PCDHGA3: variants seen among roughly 807,000 people sequenced by gnomAD.
PCDHGA3 encodes the protein protocadherin gamma subfamily A, 3, also known as protocadherin gamma-A3.
A neutral mutation model predicts 58.5 loss-of-function variants in PCDHGA3; 40 were observed. The ratio of observed to expected loss-of-function variants is 0.68; its 90% confidence interval spans 0.53 to 0.89. The LOEUF is 0.89. PCDHGA3 is among the 40% of genes least tolerant of loss of function. PCDHGA3 has a pLI of 0.00. For missense variants in PCDHGA3, 1,223 were observed against 1,195.9 expected, an observed-to-expected ratio of 1.02 and a Z score of -0.33; for synonymous variants, 530 against 525.7, an observed-to-expected ratio of 1.01 and a Z score of -0.11.
At chr5:141,510,040 G>A (rs2099879305) in intron 3 of PCDHGA3, among the ~76,000 whole-genome samples, 1 of 152,220 alleles carries the variant, frequency 6.6e-6, no homozygotes, top group Non-Finnish European at 1.5e-5. Flanking sequence ...GTTATGTAGA[G>A]GTTAAAAGTG....
At chr5:141,405,775 G>A (rs2094716657) in intron 1 of PCDHGA3, among the ~76,000 whole-genome samples, 1 of 152,002 alleles carries the variant, frequency 6.6e-6, no homozygotes, top group African/African-American at 2.4e-5. Flanking sequence ...ACTGCGCCTG[G>A]CCCTTAACTT....
chr5:141,350,294 A>T, intron 1 of PCDHGA3: 2 of 1,510,364 alleles, frequency 1.3e-6, no homozygotes, highest in South Asian at 2.8e-5. Flanking sequence ...AATGATGAAA[A>T]GTCAGGTACT....
chr5:141,489,594 T>A lies in PCDHGA3; in HGVS notation c.2425-5213T>A. The A allele has an allele frequency of 2.5e-6, 4 of 1,614,076 alleles. No homozygotes were observed. Among genetic ancestry groups the A allele is most frequent in the Non-Finnish European group, 3.4e-6 (4 of 1,179,982 alleles). ...CTGAACACCCCCTGGAGCTAATCCG[T>A]GTAGAGGTAGAGATCCTGGATCTCA... On this transcript the variant is annotated intron_variant, in intron 1 of 3. Coordinates refer to ENST00000253812, the MANE Select transcript of PCDHGA3 (RefSeq NM_018916.4). This position sits in a 1 kb window ranked among gnomAD's most constrained non-coding sequence, Gnocchi z 4.5.
Position 141,489,767 on chromosome 5 carries a change from G to T in PCDHGA3, c.2425-5040G>T, listed in dbSNP as rs2099691977. On this transcript the variant is annotated intron_variant, in intron 1 of 3. Transcript: ENST00000253812. This position sits in a 1 kb window ranked among gnomAD's most constrained non-coding sequence, Gnocchi z 4.5. ...AGCTTTTACACTCTAAGCCCCAACA[G>T]CCACTTCTCTCTGAATGTGAAGACC... The T allele has an allele frequency of 6.2e-7, 1 of 1,614,028 alleles. No homozygotes were observed. Among genetic ancestry groups the T allele is most frequent in the African/African-American group, 1.3e-5 (1 of 74,938 alleles).
At chr5:141,450,887 C>T (rs531604055) in intron 1 of PCDHGA3, among the ~76,000 whole-genome samples, 18 of 148,682 alleles carry the variant, frequency 1.2e-4, no homozygotes, top group East Asian at 1.2e-3. Flanking sequence ...TGCAGTGGTG[C>T]GATATCGGCT....
chr5:141,496,251 G>A (rs746722054), intron 2 of PCDHGA3, among the ~76,000 whole-genome samples: 7 of 152,150 alleles, frequency 4.6e-5, no homozygotes, highest in African/African-American at 7.2e-5. Context: ...TGAAGGGGAG[G>A]GAAACTTCAG....
rs756915110 is a variant in PCDHGA3, at chr5:141,490,431, T to C, written c.2425-4376T>C. 6 of 1,614,036 alleles carry C rather than the reference T, an allele frequency of 3.7e-6. No individual in the cohort carries two copies. In the South Asian group the frequency reaches 6.6e-5, roughly 18 times the overall value. ...TCTCTCCGGACCTGCCATTTCAGATTAAGCCTTCTGAGAACCACTACTCGC... is the reference window on the plus strand; with the variant it reads ...TCTCTCCGGACCTGCCATTTCAGATCAAGCCTTCTGAGAACCACTACTCGC... On this transcript the variant is annotated intron_variant, in intron 1 of 3. Transcript: ENST00000253812. The surrounding 1 kb of genome is among the most constrained non-coding windows in gnomAD (Gnocchi z 5.4).
At chr5:141,419,744 G>A (rs760207269) in intron 1 of PCDHGA3, 28 of 1,613,778 alleles carry the variant, frequency 1.7e-5, no homozygotes, top group East Asian at 2.2e-5. Context: ...GGTGCGCATG[G>A]TGCGTGCTTT....
rs138881803 is a variant in PCDHGA3 at position 141,361,343 on chromosome 5, A to G, written c.2424+14886A>G. On this transcript the variant is annotated intron_variant, in intron 1 of 3. Transcript: ENST00000253812. ...AAATCTTCCTCAAAGAACTATTACA[A>G]ACTAGTGACAGACGGCGCTCTGGAC... is the stretch of plus-strand genomic sequence containing the variant. 47 of 1,613,938 alleles carry G rather than the reference A, an allele frequency of 2.9e-5. No homozygotes were observed. In the African/African-American group the frequency reaches 6.0e-4, roughly 21 times the overall value.
intron 1 of PCDHGA3, chr5:141,375,345 C>T (rs749825552): frequency 5.0e-6 from 8 of 1,613,858 alleles, no homozygotes; most frequent in South Asian, 4.4e-5. Flanking sequence ...TACAACATCA[C>T]TGTGACAGCC....
chr5:141,383,400 C>G (rs999894916), intron 1 of PCDHGA3: 4 of 1,614,020 alleles, frequency 2.5e-6, no homozygotes, highest in Non-Finnish European at 1.7e-6. Context: ...CGAACTCCCT[C>G]CAGAGTTACC....
chr5:141,476,601 C>A lies in PCDHGA3; in HGVS notation c.2425-18206C>A. On this transcript the variant is annotated intron_variant, in intron 1 of 3. Coordinates refer to ENST00000253812, the MANE Select transcript of PCDHGA3 (RefSeq NM_018916.4). The surrounding 1 kb of genome is among the most constrained non-coding windows in gnomAD (Gnocchi z 7.6). ...TTTCCGCTCGAGAGCGCGCACGATC[C>A]CGATGTGGGAAGCAACTCTTTACAA... The A allele has an allele frequency of 6.2e-7, 1 of 1,614,228 alleles. No homozygotes were observed. The highest frequency in any genetic ancestry group is 2.2e-5 in the East Asian group (1 of 44,878).
At chr5:141,466,508 T>C (rs2099123841) in intron 1 of PCDHGA3, among the ~76,000 whole-genome samples, 1 of 152,190 alleles carries the variant, frequency 6.6e-6, no homozygotes, top group African/African-American at 2.4e-5. Context: ...ACAGACAAGA[T>C]CATTTTTTTT....
At position 141,389,262 on chromosome 5, in the gene PCDHGA3, G is replaced by A. The variant is rs1017721134; in HGVS notation, c.2424+42805G>A. On this transcript the variant is annotated intron_variant, in intron 1 of 3. Coordinates refer to ENST00000253812, the MANE Select transcript of PCDHGA3 (RefSeq NM_018916.4). Reference sequence around the variant, plus strand: ...ACAGTCTTCCTATATAGTCCACGTGGCCGAGAACAACCCGCCTGGAGCCTC... The same window carrying A: ...ACAGTCTTCCTATATAGTCCACGTGACCGAGAACAACCCGCCTGGAGCCTC... 5 of 1,613,910 alleles carry A rather than the reference G, an allele frequency of 3.1e-6. No individual in the cohort carries two copies. The highest frequency in any genetic ancestry group is 1.3e-5 in the African/African-American group (1 of 74,940).
intron 1 of PCDHGA3, among the ~76,000 whole-genome samples, chr5:141,463,545 T>C (rs1433047951): frequency 6.8e-6 from 1 of 146,704 alleles, no homozygotes; most frequent in East Asian, 2.1e-4. Flanking sequence ...GGCTCCCGGG[T>C]TCATGCCATT....
At chr5:141,409,516 C>T (rs1303826331) in intron 1 of PCDHGA3, 6 of 1,614,006 alleles carry the variant, frequency 3.7e-6, no homozygotes, top group South Asian at 1.1e-5. Context: ...GTAGAAGCAT[C>T]ACCTTGTATG....
chr5:141,364,691 G>C (rs373731815), intron 1 of PCDHGA3: 6 of 1,613,878 alleles, frequency 3.7e-6, no homozygotes, highest in Non-Finnish European at 3.4e-6. Context: ...TGGAGTAGAA[G>C]TAGAAATAAT....
Position 141,422,832 on chromosome 5 carries a change from A to G in PCDHGA3, c.2425-71975A>G, listed in dbSNP as rs12520854. On this transcript the variant is annotated intron_variant, in intron 1 of 3. Coordinates refer to ENST00000253812, the MANE Select transcript of PCDHGA3 (RefSeq NM_018916.4). Reference sequence around the variant, plus strand: ...GAGACTTAGAACTGAGAGTGATAGCACGTGACAGCGGGGACCCGCCCCTCA... The same window carrying G: ...GAGACTTAGAACTGAGAGTGATAGCGCGTGACAGCGGGGACCCGCCCCTCA... The G allele has an allele frequency of 6.8e-3, 10,902 of 1,614,192 alleles. 60 individuals are homozygous for G. The highest frequency in any genetic ancestry group is 7.9e-3 in the Non-Finnish European group (9,294 of 1,180,036).
At chr5:141,397,813 A>G (rs2093571371) in intron 1 of PCDHGA3, among the ~76,000 whole-genome samples, 2 of 152,216 alleles carry the variant, frequency 1.3e-5, no homozygotes, top group Non-Finnish European at 2.9e-5. Flanking sequence ...GCACACAAAA[A>G]CAATTACTGC....
Sources: gnomAD v4.1 joint callset for allele counts (sites outside exome capture counted in the v4.1 genomes callset) on GRCh38, gnomAD v4.1.1 for gene constraint, Gnocchi (gnomAD v3.1) non-coding constraint, MANE v1.5 for transcripts, NCBI Gene and HGNC (gene_info 2026-07-23, HGNC 2026-07-21) for gene names.